CLYBL: variants seen among roughly 807,000 people sequenced by gnomAD.
The protein encoded by CLYBL is citramalyl-CoA lyase.
In CLYBL, 31 loss-of-function variants were observed where a neutral mutation model predicts 38.9. That is an observed-to-expected ratio of 0.80 (90% confidence interval 0.60 to 1.08). The LOEUF is 1.08. Ranked by LOEUF, CLYBL falls within the 50% of genes least tolerant of loss-of-function variation. CLYBL has a pLI of 0.00. For missense variants in CLYBL, 434 were observed against 411.6 expected, an observed-to-expected ratio of 1.05 and a Z score of -0.47; for synonymous variants, 171 against 158.6, an observed-to-expected ratio of 1.08 and a Z score of -0.59.
In CLYBL at chr13:99,682,169, A is replaced by G. The variant is rs534666389; in HGVS notation, c.62+75412A>G. On this transcript the variant is annotated intron_variant, in intron 1 of 8. Coordinates refer to ENST00000339105, the MANE Select transcript of CLYBL (RefSeq NM_206808.5). ...CTTTTCTTTTTTTTTTTGGAGACAG[A>G]GTCTCGCTCTGTCGCCCAGGCTGGA... Among the ~76,000 whole-genome samples, 32 of 151,392 alleles carry G rather than the reference A, an allele frequency of 2.1e-4. No homozygotes were observed. In the South Asian group the frequency reaches 6.7e-3, roughly 32 times the overall value.
chr13:99,606,910 C>G (rs1396807721), intron 1 of CLYBL, among the ~76,000 whole-genome samples, 153 bp downstream of exon 1: 1 of 152,216 alleles, frequency 6.6e-6, no homozygotes, highest in Non-Finnish European at 1.5e-5. Context: ...CTGGCTCGAC[C>G]TCGTCCAAGG....
At chr13:99,705,714 G>T (rs1426214417) in intron 1 of CLYBL, among the ~76,000 whole-genome samples, 1 of 152,070 alleles carries the variant, frequency 6.6e-6, no homozygotes, top group African/African-American at 2.4e-5. Flanking sequence ...CAAATTCACA[G>T]CACAGAAATG....
intron 2 of CLYBL, among the ~76,000 whole-genome samples, chr13:99,801,160 C>T (rs1482173965): frequency 6.6e-6 from 1 of 152,160 alleles, no homozygotes; most frequent in Non-Finnish European, 1.5e-5. Context: ...TCCACACGTC[C>T]CTGTTGGAGT....
At chr13:99,631,122 G>C (rs560078266) in intron 1 of CLYBL, among the ~76,000 whole-genome samples, 21 of 152,268 alleles carry the variant, frequency 1.4e-4, no homozygotes, top group Middle Eastern at 3.4e-3. Context: ...AGGAGTTCGA[G>C]ACCAGCCTGG....
At chr13:99,876,956 G>A (rs886828585) in intron 7 of CLYBL, among the ~76,000 whole-genome samples, 150 of 152,100 alleles carry the variant, frequency 9.9e-4, no homozygotes, top group African/African-American at 3.4e-3. Context: ...GTCTCCACGT[G>A]CCGTTCCCCA....
At chr13:99,842,213 C>A (rs184330552) in intron 2 of CLYBL, among the ~76,000 whole-genome samples, 1 of 152,110 alleles carries the variant, frequency 6.6e-6, no homozygotes, top group African/African-American at 2.4e-5. Context: ...CAGTAATAAA[C>A]CGAGGGGAAT....
At position 99,891,313 on chromosome 13, in the gene CLYBL, T is replaced by G. The variant is rs919949855; in HGVS notation, c.928-5T>G. ...TTCAGGAAGTTTGTATTCTCTGTTTTCCAGGGGGCCTTTACTTTCCAAGGG... is the reference window on the plus strand; with the variant it reads ...TTCAGGAAGTTTGTATTCTCTGTTTGCCAGGGGGCCTTTACTTTCCAAGGG... On this transcript the variant is annotated splice_polypyrimidine_tract_variant and splice_region_variant and intron_variant, in intron 7 of 8. Coordinates refer to ENST00000339105, the MANE Select transcript of CLYBL (RefSeq NM_206808.5). 4 of 1,607,904 alleles carry G rather than the reference T, an allele frequency of 2.5e-6. No homozygotes were observed. The African/African-American group carries it at 4.0e-5, about 16-fold the overall frequency.
chr13:99,759,744 C>G (rs4772240), intron 1 of CLYBL, among the ~76,000 whole-genome samples: 43,162 of 152,076 alleles, frequency 0.28, 7,958 homozygotes, highest in Middle Eastern at 0.43. Flanking sequence ...GAGCTTTCAT[C>G]TGTGAGAAGT....
At chr13:99,613,791 G>A (rs1195718265) in intron 1 of CLYBL, among the ~76,000 whole-genome samples, 9 of 152,230 alleles carry the variant, frequency 5.9e-5, no homozygotes, top group Non-Finnish European at 1.3e-4. Context: ...AGGCCAATGT[G>A]AAGTGTTAGA....
chr13:99,620,818 G>A (rs1040177633), intron 1 of CLYBL, among the ~76,000 whole-genome samples: 23 of 143,440 alleles, frequency 1.6e-4, no homozygotes, highest in Non-Finnish European at 1.7e-4. Flanking sequence ...AAGAGAGAGA[G>A]AGAGAGAAAG....
At chr13:99,741,559 G>T (rs563047404) in intron 1 of CLYBL, among the ~76,000 whole-genome samples, 1 of 151,764 alleles carries the variant, frequency 6.6e-6, no homozygotes, top group Non-Finnish European at 1.5e-5. Context: ...TTTTTGGGGG[G>T]TGGGGGTCGG....
chr13:99,848,646 G>A (rs939680243), intron 2 of CLYBL, among the ~76,000 whole-genome samples: 6 of 152,140 alleles, frequency 3.9e-5, no homozygotes, highest in South Asian at 2.1e-4. Context: ...GGGACCCCTC[G>A]GAGACAGTGG....
In CLYBL at chr13:99,763,315, G is replaced by A. The variant is rs184284172; in HGVS notation, c.63-9509G>A. On this transcript the variant is annotated intron_variant, in intron 1 of 8. Coordinates refer to ENST00000339105, the MANE Select transcript of CLYBL (RefSeq NM_206808.5). ...TGTTAGCTATGGGTTTGTCATATAT[G>A]ACCCCTATATTTTGAGGTATGTTCT... Among the ~76,000 whole-genome samples, 198 of 152,216 alleles carry A rather than the reference G, an allele frequency of 1.3e-3. 1 individual carries two copies. The highest frequency in any genetic ancestry group is 4.6e-3 in the African/African-American group (190 of 41,528).
At chr13:99,866,545 C>G (rs879213484) in intron 6 of CLYBL, 138 bp downstream of exon 6, 1 of 678,954 alleles carries the variant, frequency 1.5e-6, no homozygotes, top group Admixed American at 3.4e-5. Flanking sequence ...GCAAGTCACA[C>G]AGGGGAAGAA....
chr13:99,721,769 C>T (rs1332922480), intron 1 of CLYBL, among the ~76,000 whole-genome samples: 8 of 151,956 alleles, frequency 5.3e-5, no homozygotes, highest in East Asian at 1.9e-4. Context: ...CCCATTGGCC[C>T]GCATGTTGTA....
chr13:99,669,620 C>G (rs1213005511), intron 1 of CLYBL, among the ~76,000 whole-genome samples: 1 of 152,118 alleles, frequency 6.6e-6, no homozygotes, highest in African/African-American at 2.4e-5. Context: ...TTACTGAGAG[C>G]CTACCTTCAA....
intron 2 of CLYBL, among the ~76,000 whole-genome samples, chr13:99,816,152 C>T (rs2050443257): frequency 6.6e-6 from 1 of 152,180 alleles, no homozygotes; most frequent in Non-Finnish European, 1.5e-5. Flanking sequence ...TCACATTGTC[C>T]AGTCTAAGCT....
intron 2 of CLYBL, among the ~76,000 whole-genome samples, chr13:99,823,220 TTCTTTCTTA>T (rs2050620312): frequency 6.6e-6 from 1 of 152,206 alleles, no homozygotes; most frequent in Non-Finnish European, 1.5e-5. Flanking sequence ...TGGGTTTCTT[TTCTTTCTTA>T]ATTTCTTTAA....
intron 7 of CLYBL, among the ~76,000 whole-genome samples, chr13:99,885,876 G>A (rs913229832): frequency 6.6e-6 from 1 of 152,150 alleles, no homozygotes; most frequent in African/African-American, 2.4e-5. Context: ...CGTAGGTAAG[G>A]AGGAGCCGTA....
Sources: gnomAD v4.1 joint callset for allele counts (sites outside exome capture counted in the v4.1 genomes callset) on GRCh38, gnomAD v4.1.1 for gene constraint, MANE v1.5 for transcripts, NCBI Gene and HGNC (gene_info 2026-07-23, HGNC 2026-07-21) for gene names.